The following PLXNA2 variants were observed in gnomAD, a reference collection of about 807,000 sequenced individuals.
PLXNA2 encodes the protein plexin-A2.
A neutral mutation model predicts 193.5 loss-of-function variants in PLXNA2; 91 were observed. The ratio of observed to expected loss-of-function variants is 0.47; its 90% CI spans 0.40 to 0.56. The LOEUF (loss-of-function observed/expected upper bound fraction) is 0.56. Among genes scored for constraint, PLXNA2 ranks in the 20% least tolerant of loss-of-function variants. The pLI is 0.00. For synonymous variants in PLXNA2, 997 were observed against 1,027.3 expected (o/e 0.97, Z 0.56); for missense variants, 1,995 against 2,503.2 (o/e 0.80, Z 4.33).
chr1:208,037,826 C>T (rs1439144827), intron 26 of PLXNA2, among the ~76,000 whole-genome samples: 2 of 151,958 alleles, frequency 1.3e-5, no homozygotes, highest in African/African-American at 4.8e-5. Context: ...CTGTACGGAG[C>T]AGGGTTCACC....
chr1:208,165,886 A>AACTACAAACTCCCAC (rs1175701607), intron 3 of PLXNA2, among the ~76,000 whole-genome samples: 1 of 152,122 alleles, frequency 6.6e-6, no homozygotes, highest in Non-Finnish European at 1.5e-5. Context: ...CCCATTGGCA[A>AACTACAAACTCCCAC]GCTGATTCAG....
intron 31 of PLXNA2, 63 bp downstream of exon 31, chr1:208,027,946 G>T: frequency 1.4e-6 from 2 of 1,443,880 alleles, no homozygotes; most frequent in South Asian, 1.5e-5. Flanking sequence ...TCTATTTAAG[G>T]ACTGAGTCAG....
intron 3 of PLXNA2, among the ~76,000 whole-genome samples, chr1:208,201,975 T>G (rs1279553598): frequency 1.8e-4 from 2 of 11,276 alleles, no homozygotes. Flanking sequence ...GGGCAAGAAT[T>G]TTTTTTTTTT....
At chr1:208,037,739 T>C (rs529692130) in intron 26 of PLXNA2, among the ~76,000 whole-genome samples, 1 of 152,276 alleles carries the variant, frequency 6.6e-6, no homozygotes, top group East Asian at 1.9e-4. Flanking sequence ...TTTTCTTTTT[T>C]TTTTTTGACT....
chr1:208,031,503 T>A, intron 29 of PLXNA2, 87 bp downstream of exon 29: 2 of 1,519,920 alleles, frequency 1.3e-6, no homozygotes, highest in African/African-American at 2.7e-5. Flanking sequence ...TAGGCTATCC[T>A]CCCACCCTCC....
At position 208,040,009 on chromosome 1, in the gene PLXNA2, G is replaced by A; in HGVS notation, c.4336C>T (p.Leu1446=). 1.2e-6 allele frequency: 2 copies of A among 1,614,150 alleles called. No individual in the cohort carries two copies. Among genetic ancestry groups the A allele is most frequent in the Non-Finnish European group, 8.5e-7 (1 of 1,179,994 alleles). Residue 1446 remains leucine, a synonymous_variant, in exon 23 of 32, where the codon CTG becomes TTG. Transcript: ENST00000367033. ...TTTCTCACCTTTAGGAACTTGTGCA[G>A]GAGGAAGGCGAACCAATTGGTCAGC... is the stretch of plus-strand genomic sequence containing the variant. ...KMLTNWFAFL[L]HKFLKECAGE... is the part of the protein sequence containing the mutation.
chr1:208,204,516 C>T (rs555217982), intron 3 of PLXNA2, among the ~76,000 whole-genome samples: 8 of 152,336 alleles, frequency 5.3e-5, no homozygotes, highest in Middle Eastern at 3.4e-3. Context: ...GCCACTGCCA[C>T]GCCAACCCTC....
At chr1:208,242,873 C>T (rs1248613669) in intron 1 of PLXNA2, among the ~76,000 whole-genome samples, 1 of 152,128 alleles carries the variant, frequency 6.6e-6, no homozygotes. Flanking sequence ...ATCCCTACCT[C>T]ACTTGTGGGG....
Position 208,106,491 on chromosome 1 carries a change from G to A in PLXNA2, c.1507-3244C>T, listed in dbSNP as rs920344732. ...GAGGGCTGAGGGAATTCAGAGCAAC[G>A]AGAAAACACTGCCTGCATCTGTGCT... On this transcript the variant is annotated intron_variant, in intron 4 of 31. Coordinates refer to ENST00000367033, the MANE Select transcript of PLXNA2 (RefSeq NM_025179.4). Among the ~76,000 whole-genome samples, 4 of 152,174 alleles carry A rather than the reference G, an allele frequency of 2.6e-5. 1 individual carries two copies. The South Asian group carries it at 6.2e-4, about 24-fold the overall frequency.
intron 4 of PLXNA2, among the ~76,000 whole-genome samples, chr1:208,123,170 C>T (rs563289097): frequency 6.6e-6 from 1 of 152,320 alleles, no homozygotes; most frequent in South Asian, 2.1e-4. Flanking sequence ...TGGAATCATA[C>T]AGTACGTGAT....
In PLXNA2 at chr1:208,219,843, C is replaced by T. The variant is rs192590046; in HGVS notation, c.-80-1841G>A. 5.3e-5 allele frequency among the ~76,000 whole-genome samples: 8 copies of T among 152,308 alleles called. No individual in the cohort carries two copies. In the East Asian group the frequency reaches 9.7e-4, roughly 18 times the overall value. On this transcript the variant is annotated intron_variant, in intron 1 of 31. Coordinates refer to ENST00000367033, the MANE Select transcript of PLXNA2 (RefSeq NM_025179.4). ...AGACTCAGGCTGACCTCAGCTACTC[C>T]GACACAGCCCTTCCGGCCCCAGGCG...
intron 3 of PLXNA2, among the ~76,000 whole-genome samples, chr1:208,192,483 C>T (rs188278597): frequency 6.6e-6 from 1 of 152,162 alleles, no homozygotes; most frequent in South Asian, 2.1e-4. Flanking sequence ...ACTCCTAACC[C>T]TACTAGAAGA....
chr1:208,085,991 T>C (rs532053081), intron 9 of PLXNA2, among the ~76,000 whole-genome samples: 1 of 152,334 alleles, frequency 6.6e-6, no homozygotes, highest in Non-Finnish European at 1.5e-5. Flanking sequence ...CTCTGAGAAT[T>C]AATAATTGAT....
intron 3 of PLXNA2, among the ~76,000 whole-genome samples, chr1:208,182,781 G>A (rs1255351327): frequency 6.6e-6 from 1 of 152,048 alleles, no homozygotes; most frequent in Non-Finnish European, 1.5e-5. Context: ...AGTACTGCTG[G>A]GTTCTAGCCC....
At chr1:208,144,760 G>A (rs1248417820) in intron 3 of PLXNA2, among the ~76,000 whole-genome samples, 1 of 152,142 alleles carries the variant, frequency 6.6e-6, no homozygotes, top group Admixed American at 6.5e-5. Flanking sequence ...TTTCTCCCTA[G>A]TGAATGGGCT....
At chr1:208,057,807 G>A (rs1268370656) in intron 13 of PLXNA2, among the ~76,000 whole-genome samples, 2 of 152,218 alleles carry the variant, frequency 1.3e-5, no homozygotes, top group Non-Finnish European at 1.5e-5. Flanking sequence ...GGGGCTTCCG[G>A]AGGCACCTTA....
intron 29 of PLXNA2, 92 bp from the exon 30 acceptor site, chr1:208,029,134 G>A (rs1664426507): frequency 3.2e-6 from 5 of 1,556,778 alleles, no homozygotes; most frequent in Non-Finnish European, 3.5e-6. Flanking sequence ...AGGTCAAATT[G>A]TCCACCTGAA....
chr1:208,032,775 C>T (rs1664542517), intron 28 of PLXNA2, among the ~76,000 whole-genome samples: 1 of 152,190 alleles, frequency 6.6e-6, no homozygotes, highest in Non-Finnish European at 1.5e-5. Context: ...GGCCTCTGTG[C>T]TTTCCCTCCC....
At chr1:208,194,583 A>G (rs1670295528) in intron 3 of PLXNA2, among the ~76,000 whole-genome samples, 1 of 151,994 alleles carries the variant, frequency 6.6e-6, no homozygotes, top group Non-Finnish European at 1.5e-5. Context: ...ACATGTCTCC[A>G]TTTGATGTGG....
Sources: allele counts gnomAD v4.1 joint callset (sites outside exome capture counted in the v4.1 genomes callset), GRCh38; gene constraint gnomAD v4.1.1; transcripts MANE v1.5; gene names NCBI Gene and HGNC (gene_info 2026-07-23, HGNC 2026-07-21).